The following DNM3 variants were observed in gnomAD, a reference collection of about 807,000 sequenced individuals.
DNM3 encodes dynamin-3.
Under a neutral mutation model 101.6 loss-of-function variants are expected in DNM3, and 47 were observed. That is an observed-to-expected ratio of 0.46 (90% CI 0.37 to 0.59). DNM3 has a LOEUF of 0.59. Among genes scored for constraint, DNM3 ranks in the 20% least tolerant of loss-of-function variants. DNM3 has a pLI of 0.00. For synonymous variants in DNM3, 385 were observed against 387.9 expected (o/e 0.99, Z 0.09); for missense variants, 849 against 1,085.7 (o/e 0.78, Z 3.06).
At chr1:172,322,074 A>C (rs532237472) in intron 16 of DNM3, among the ~76,000 whole-genome samples, 1 of 152,138 alleles carries the variant, frequency 6.6e-6, no homozygotes, top group Admixed American at 6.6e-5. Flanking sequence ...TGTTTTCTTT[A>C]TTAAATATGA....
At chr1:171,878,340 T>C (rs1004917356) in intron 1 of DNM3, among the ~76,000 whole-genome samples, 1 of 152,038 alleles carries the variant, frequency 6.6e-6, no homozygotes, top group Non-Finnish European at 1.5e-5. Flanking sequence ...TAAGGTACTT[T>C]GTACAAATTG....
At chr1:172,210,812 G>A (rs980175056) in intron 14 of DNM3, among the ~76,000 whole-genome samples, 16 of 152,066 alleles carry the variant, frequency 1.1e-4, no homozygotes, top group African/African-American at 2.4e-5. Flanking sequence ...ACATCAGCAT[G>A]TCCTTTAAGG....
intron 1 of DNM3, among the ~76,000 whole-genome samples, chr1:171,882,755 C>T (rs570259801): frequency 1.3e-5 from 2 of 151,982 alleles, no homozygotes; most frequent in Non-Finnish European, 2.9e-5. Flanking sequence ...GTATATGCCA[C>T]TTGTTTTATA....
chr1:172,052,390 ATGTC>A (rs2050267836), intron 10 of DNM3, among the ~76,000 whole-genome samples: 1 of 152,122 alleles, frequency 6.6e-6, no homozygotes, highest in Non-Finnish European at 1.5e-5. Flanking sequence ...AAATATATCT[ATGTC>A]TGTCCTAATT....
chr1:171,929,567 C>T (rs1278486915), intron 2 of DNM3, among the ~76,000 whole-genome samples: 1 of 152,112 alleles, frequency 6.6e-6, no homozygotes, highest in Non-Finnish European at 1.5e-5. Context: ...AGCAGTCTGG[C>T]CACATTTTTG....
intron 9 of DNM3, among the ~76,000 whole-genome samples, chr1:172,045,884 G>A (rs1171846878): frequency 6.6e-6 from 1 of 152,174 alleles, no homozygotes; most frequent in Non-Finnish European, 1.5e-5. Flanking sequence ...GTTTGCATGT[G>A]ATGGGTGATT....
intron 15 of DNM3, among the ~76,000 whole-genome samples, chr1:172,280,260 G>A (rs1350894166): frequency 6.6e-6 from 1 of 152,014 alleles, no homozygotes; most frequent in African/African-American, 2.4e-5. Flanking sequence ...TCATCACTCT[G>A]TTCTTTTATC....
intron 6 of DNM3, among the ~76,000 whole-genome samples, chr1:172,037,801 T>C (rs1282925240): frequency 1.3e-5 from 2 of 152,184 alleles, no homozygotes; most frequent in Non-Finnish European, 2.9e-5. Flanking sequence ...ATGAGTAAGT[T>C]TCTGCCTCAG....
chr1:172,108,271 C>T (rs985227624), intron 13 of DNM3, among the ~76,000 whole-genome samples: 1 of 152,018 alleles, frequency 6.6e-6, no homozygotes, highest in African/African-American at 2.4e-5. Context: ...CATAAATCCC[C>T]CACCCCCTAG....
intron 14 of DNM3, among the ~76,000 whole-genome samples, chr1:172,248,090 A>G (rs1335045771): frequency 6.6e-6 from 1 of 151,900 alleles, no homozygotes; most frequent in African/African-American, 2.4e-5. Flanking sequence ...TTTTTTTTGT[A>G]TGCTTTTGAA....
At chr1:172,318,248 G>C (rs1056916136) in intron 16 of DNM3, among the ~76,000 whole-genome samples, 18 of 152,122 alleles carry the variant, frequency 1.2e-4, no homozygotes, top group Admixed American at 2.6e-4. Flanking sequence ...AAAATAATAA[G>C]AGCTATCTAT....
intron 2 of DNM3, among the ~76,000 whole-genome samples, chr1:171,948,562 C>A (rs2042307592): frequency 6.6e-6 from 1 of 152,098 alleles, no homozygotes; most frequent in Non-Finnish European, 1.5e-5. Flanking sequence ...CATTAATGAC[C>A]ACTTTAGAGA....
At chr1:171,949,713 G>A (rs2042388454) in intron 2 of DNM3, among the ~76,000 whole-genome samples, 1 of 152,034 alleles carries the variant, frequency 6.6e-6, no homozygotes, top group Non-Finnish European at 1.5e-5. Flanking sequence ...ACTGCACCTG[G>A]CCTCACAATG....
intron 13 of DNM3, among the ~76,000 whole-genome samples, chr1:172,113,642 A>AAAC (rs1353334313): frequency 8.0e-4 from 120 of 149,150 alleles, no homozygotes; most frequent in African/African-American, 2.8e-3. Flanking sequence ...AAAAAAAAAA[A>AAAC]AACAACTCAG....
chr1:171,842,325 C>T (rs2031374318), intron 1 of DNM3, among the ~76,000 whole-genome samples: 1 of 152,112 alleles, frequency 6.6e-6, no homozygotes, highest in African/African-American at 2.4e-5. Context: ...CTTTCCTTCT[C>T]GCCAGGGTTC....
Position 172,408,451 on chromosome 1 carries a change from G to A in DNM3, c.*610G>A. On this transcript the variant is annotated 3_prime_UTR_variant, in exon 21 of 21. Transcript: ENST00000627582. ...AAAAGTCTGCACTGTTTGCTCTAAA[G>A]AGCTTCTCCTCATTCCAATGTGTTT... 2 of 985,390 alleles carry A rather than the reference G, an allele frequency of 2.0e-6. No individual in the cohort carries two copies. Among genetic ancestry groups the A allele is most frequent in the Non-Finnish European group, 2.4e-6 (2 of 829,906 alleles). 61.0% of individuals were successfully genotyped at this position (985,390 alleles called of 1,614,324 possible).
intron 15 of DNM3, among the ~76,000 whole-genome samples, chr1:172,264,773 T>G (rs1460526716): frequency 6.6e-6 from 1 of 152,142 alleles, no homozygotes; most frequent in East Asian, 1.9e-4. Flanking sequence ...ACCTCACAGG[T>G]TAAGGAGCTA....
chr1:172,033,451 C>T (rs1305057768), intron 6 of DNM3, among the ~76,000 whole-genome samples, 186 bp downstream of exon 6: 1 of 151,990 alleles, frequency 6.6e-6, no homozygotes, highest in Admixed American at 6.6e-5. Flanking sequence ...GTGAATAGAA[C>T]TCACCTTCCT....
intron 4 of DNM3, among the ~76,000 whole-genome samples, chr1:172,032,077 A>G (rs1480834671): frequency 1.3e-5 from 2 of 152,208 alleles, no homozygotes; most frequent in Non-Finnish European, 1.5e-5. Context: ...TAGGTGGAGA[A>G]CTTAGGAGCA....
Sources: allele counts gnomAD v4.1 joint callset (sites outside exome capture counted in the v4.1 genomes callset), GRCh38; gene constraint gnomAD v4.1.1; transcripts MANE v1.5; gene names NCBI Gene and HGNC (gene_info 2026-07-23, HGNC 2026-07-21).